EYS: variants seen among roughly 807,000 people sequenced by gnomAD.
The protein encoded by EYS is protein eyes shut homolog.
Under a neutral mutation model 282.1 loss-of-function variants are expected in EYS, and 250 were observed. The observed-to-expected ratio is 0.89, with a 90% CI of 0.80 to 0.98. The LOEUF is 0.98. Among genes scored for constraint, EYS ranks in the 50% least tolerant of loss-of-function variants. The pLI is 0.00. For missense variants in EYS, 4,016 were observed against 3,709.0 expected (o/e 1.08, Z -2.15); for synonymous variants, 1,355 against 1,282.9 (o/e 1.06, Z -1.20).
intron 31 of EYS, among the ~76,000 whole-genome samples, chr6:64,118,855 CAG>C (rs201434948): frequency 0.019 from 2,927 of 151,882 alleles, 79 homozygotes; most frequent in African/African-American, 0.066. Context: ...AAAAGAAAAA[CAG>C]ATAATAATAA....
chr6:65,414,680 T>G (rs1767162551), intron 5 of EYS, among the ~76,000 whole-genome samples: 1 of 152,130 alleles, frequency 6.6e-6, no homozygotes, highest in African/African-American at 2.4e-5. Flanking sequence ...TTAGATATGT[T>G]AATTTCAAGA....
chr6:64,065,739 T>G (rs1288473452), intron 33 of EYS, among the ~76,000 whole-genome samples: 3 of 152,202 alleles, frequency 2.0e-5, no homozygotes, highest in Non-Finnish European at 4.4e-5. Flanking sequence ...TTTAATTTAT[T>G]TGCTTGCACC....
intron 26 of EYS, among the ~76,000 whole-genome samples, chr6:64,459,107 T>C (rs916213960): frequency 2.0e-5 from 3 of 152,230 alleles, no homozygotes; most frequent in African/African-American, 7.2e-5. Flanking sequence ...TTGAGAATTA[T>C]GTTTTTAAAA....
At position 65,326,600 on chromosome 6, in the gene EYS, A is replaced by AT. The variant is rs757471031; in HGVS notation, c.1766+8379dup. Among the ~76,000 whole-genome samples, 248 of 151,532 alleles carry AT rather than the reference A, an allele frequency of 1.6e-3. 1 individual carries two copies. The highest frequency in any genetic ancestry group is 2.8e-3 in the Non-Finnish European group (188 of 67,652). ...ATATACACAGTAAAACAAAAAATTTATTTTTGTTTTATATGAGACCATATA... is the reference window on the plus strand; with the variant it reads ...ATATACACAGTAAAACAAAAAATTTATTTTTTGTTTTATATGAGACCATATA... On this transcript the variant is annotated intron_variant, in intron 11 of 42. Transcript: ENST00000503581.
chr6:64,813,284 C>G, intron 22 of EYS, 94 bp downstream of exon 22: 1 of 858,366 alleles, frequency 1.2e-6, no homozygotes, highest in Non-Finnish European at 1.7e-6. Context: ...TACTTCAAAA[C>G]TTAGTATTTA....
intron 12 of EYS, among the ~76,000 whole-genome samples, chr6:65,175,961 T>A (rs1352675741): frequency 6.6e-6 from 1 of 151,464 alleles, no homozygotes; most frequent in East Asian, 2.0e-4. Context: ...CAAATAAAAA[T>A]TGCATATATT....
At chr6:64,584,830 A>G (rs1424553701) in intron 26 of EYS, among the ~76,000 whole-genome samples, 2 of 152,086 alleles carry the variant, frequency 1.3e-5, no homozygotes, top group Non-Finnish European at 2.9e-5. Context: ...TGGCTTAGAA[A>G]GGTATTACTT....
chr6:65,393,114 T>G (rs1044472124), intron 7 of EYS, among the ~76,000 whole-genome samples: 2 of 151,564 alleles, frequency 1.3e-5, no homozygotes, highest in South Asian at 4.2e-4. Flanking sequence ...TAGGTGGGAA[T>G]TGAACAATGA....
intron 2 of EYS, among the ~76,000 whole-genome samples, chr6:65,559,436 A>G (rs981686002): frequency 3.9e-5 from 6 of 152,142 alleles, no homozygotes; most frequent in Non-Finnish European, 8.8e-5. Flanking sequence ...GCTACTCCCA[A>G]TAGATTTTGC....
intron 8 of EYS, among the ~76,000 whole-genome samples, chr6:65,372,135 A>T (rs1000990686): frequency 3.3e-5 from 5 of 151,646 alleles, no homozygotes; most frequent in African/African-American, 4.8e-5. Flanking sequence ...TAGGAGATTT[A>T]AAAAAAATAA....
At chr6:65,646,293 G>A (rs1352321147) in intron 1 of EYS, among the ~76,000 whole-genome samples, 1 of 151,968 alleles carries the variant, frequency 6.6e-6, no homozygotes, top group Non-Finnish European at 1.5e-5. Context: ...ACTAGCTAAT[G>A]AAATGCAACA....
intron 2 of EYS, among the ~76,000 whole-genome samples, chr6:65,543,536 A>T (rs2127324035): frequency 6.6e-6 from 1 of 150,700 alleles, no homozygotes; most frequent in South Asian, 2.1e-4. Context: ...CCATATGGGA[A>T]TTGATAAAAT....
chr6:65,346,650 G>GA (rs1467865854), intron 9 of EYS, among the ~76,000 whole-genome samples: 2 of 151,236 alleles, frequency 1.3e-5, no homozygotes, highest in African/African-American at 4.8e-5. Flanking sequence ...TGGGGCTACA[G>GA]AAAAAAACAG....
intron 12 of EYS, among the ~76,000 whole-genome samples, chr6:65,067,091 T>G (rs1021449168): frequency 6.6e-5 from 10 of 152,086 alleles, no homozygotes; most frequent in Non-Finnish European, 1.3e-4. Context: ...CTGTGTCTGT[T>G]GGATCAAACT....
intron 1 of EYS, among the ~76,000 whole-genome samples, chr6:65,687,582 G>A (rs1769070648): frequency 6.6e-6 from 1 of 152,036 alleles, no homozygotes; most frequent in Non-Finnish European, 1.5e-5. Context: ...TTCTGGCCAG[G>A]ACAATCAGGC....
chr6:65,035,879 TG>T (rs200029779), intron 13 of EYS, among the ~76,000 whole-genome samples: 42 of 147,984 alleles, frequency 2.8e-4, no homozygotes, highest in Admixed American at 7.4e-4. Context: ...ATTAATAATT[TG>T]TTTGTAATAT....
intron 29 of EYS, among the ~76,000 whole-genome samples, chr6:64,339,532 G>A (rs1771008151): frequency 6.6e-6 from 1 of 151,914 alleles, no homozygotes; most frequent in Non-Finnish European, 1.5e-5. Context: ...CTGCTGGTGG[G>A]AATGTAAACT....
chr6:65,007,120 C>G (rs1019037609), intron 13 of EYS, among the ~76,000 whole-genome samples: 1 of 151,554 alleles, frequency 6.6e-6, no homozygotes, highest in African/African-American at 2.4e-5. Context: ...GCGGGTAAAA[C>G]AGATGCAGGA....
chr6:64,063,865 G>C (rs1356936588), intron 33 of EYS, among the ~76,000 whole-genome samples: 1 of 152,080 alleles, frequency 6.6e-6, no homozygotes, highest in Non-Finnish European at 1.5e-5. Flanking sequence ...GAGTAGCTGG[G>C]ATTACAGGCA....
Sources: gnomAD v4.1 joint callset for allele counts (sites outside exome capture counted in the v4.1 genomes callset) on GRCh38, gnomAD v4.1.1 for gene constraint, MANE v1.5 for transcripts, NCBI Gene and HGNC (gene_info 2026-07-23, HGNC 2026-07-21) for gene names.